The following MAB21L3 variants were observed in gnomAD, a reference collection of about 807,000 sequenced individuals.
MAB21L3 encodes protein mab-21-like 3.
Under a neutral mutation model 37.7 loss-of-function variants are expected in MAB21L3, and 36 were observed. The ratio of observed to expected loss-of-function variants is 0.96; its 90% CI spans 0.73 to 1.26. The LOEUF is 1.26. Among genes scored for constraint, MAB21L3 ranks in the 50% most tolerant of loss-of-function variants. The probability of loss-of-function intolerance (pLI) is 0.00; values close to 1 mark genes in which losing one functional copy is unlikely to be tolerated. For synonymous variants in MAB21L3, 186 were observed against 176.8 expected, an observed-to-expected ratio of 1.05 and a Z score of -0.41; for missense variants, 430 against 447.3, an observed-to-expected ratio of 0.96 and a Z score of 0.35.
At position 116,112,382 on chromosome 1, in the gene MAB21L3, T is replaced by G. The variant is rs909183683; in HGVS notation, c.-209-25T>G. On this transcript the variant is annotated intron_variant, in intron 2 of 7. Transcript: ENST00000369500. ...ATTTTATCAACTCTTCTTTTTAAAT[T>G]CTTTTTTTTTTAATTTCCCAAAAGA... is the stretch of plus-strand genomic sequence containing the variant. 14 of 430,362 alleles carry G rather than the reference T, an allele frequency of 3.3e-5. 1 individual carries two copies. Among genetic ancestry groups the G allele is most frequent in the African/African-American group, 2.6e-4 (13 of 50,410 alleles). 26.7% of individuals were successfully genotyped at this position (430,362 alleles called of 1,614,324 possible).
chr1:116,126,075 C>T (rs1659901194), intron 5 of MAB21L3, among the ~76,000 whole-genome samples: 1 of 152,206 alleles, frequency 6.6e-6, no homozygotes, highest in African/African-American at 2.4e-5. Flanking sequence ...CTTTATCCCA[C>T]CCTGGCCAGG....
rs1263853553 is a variant in MAB21L3 at position 116,136,331 on chromosome 1, A to G, written c.*2966A>G. Among the ~76,000 whole-genome samples the G allele has an allele frequency of 1.3e-5, 2 of 152,110 alleles. No individual in the cohort carries two copies. The highest frequency in any genetic ancestry group is 2.9e-5 in the Non-Finnish European group (2 of 68,012). ...AAATCACAAGCATTCTTATACACCA[A>G]TAACAGACAGAGAGCCAAATCATGA... On this transcript the variant is annotated 3_prime_UTR_variant, in exon 8 of 8. Coordinates refer to ENST00000369500, the MANE Select transcript of MAB21L3 (RefSeq NM_152367.3).
chr1:116,119,309 C>G (rs1212350031), intron 3 of MAB21L3, among the ~76,000 whole-genome samples: 1 of 152,154 alleles, frequency 6.6e-6, no homozygotes, highest in Non-Finnish European at 1.5e-5. Flanking sequence ...ATGAACTGAC[C>G]CTATATGTGA....
Position 116,127,581 on chromosome 1 carries a change from G to A in MAB21L3, c.597G>A (p.Lys199=). 2 of 1,614,188 alleles carry A rather than the reference G, an allele frequency of 1.2e-6. No individual in the cohort carries two copies. The highest frequency in any genetic ancestry group is 1.7e-6 in the Non-Finnish European group (2 of 1,180,030). ...PAVEIPTTWS[K]KARWPRCLQR... is the part of the protein sequence containing the mutation. ...TGGAGATCCCCACCACCTGGTCCAA[G>A]AAAGCCCGGTGGCCTCGATGTCTGC... Residue 199 remains lysine (K), a synonymous_variant, in exon 6 of 8, where the codon AAG becomes AAA. Coordinates refer to ENST00000369500, the MANE Select transcript of MAB21L3 (RefSeq NM_152367.3).
intron 3 of MAB21L3, among the ~76,000 whole-genome samples, chr1:116,119,070 A>T (rs772920768): frequency 3.9e-5 from 6 of 152,242 alleles, no homozygotes; most frequent in Non-Finnish European, 8.8e-5. Context: ...TTGAATCACA[A>T]CACAGATGGG....
chr1:116,114,819 G>C (rs1209138421), intron 3 of MAB21L3, among the ~76,000 whole-genome samples: 2 of 152,202 alleles, frequency 1.3e-5, no homozygotes, highest in Admixed American at 6.5e-5. Context: ...GATTGCTGGA[G>C]GAGCACGGTG....
At chr1:116,120,427 AC>A (rs1393462298) in intron 3 of MAB21L3, among the ~76,000 whole-genome samples, 1 of 124,466 alleles carries the variant, frequency 8.0e-6, no homozygotes. Context: ...ACACACACAC[AC>A]ACAAACACAC....
At position 116,136,547 on chromosome 1, in the gene MAB21L3, G is replaced by T. The variant is rs1417207077; in HGVS notation, c.*3182G>T. ...TCAATATCGTCAAAATGGCCAGACT[G>T]CCCAAGGTAATTTACAGATTCAATG... On this transcript the variant is annotated 3_prime_UTR_variant, in exon 8 of 8. Coordinates refer to ENST00000369500, the MANE Select transcript of MAB21L3 (RefSeq NM_152367.3). 6.6e-6 allele frequency among the ~76,000 whole-genome samples: 1 copy of T among 152,154 alleles called. No individual in the cohort carries two copies. The highest frequency in any genetic ancestry group is 1.5e-5 in the Non-Finnish European group (1 of 68,036).
At chr1:116,123,899 G>A (rs980080528) in intron 4 of MAB21L3, 167 bp from the exon 5 acceptor site, 22 of 617,336 alleles carry the variant, frequency 3.6e-5, no homozygotes, top group African/African-American at 3.5e-4. Context: ...AGAACAAAGA[G>A]GTAATCCACT....
intron 7 of MAB21L3, among the ~76,000 whole-genome samples, chr1:116,129,057 G>A (rs937442524): frequency 2.0e-5 from 3 of 152,266 alleles, no homozygotes; most frequent in African/African-American, 7.2e-5. Context: ...AGGCACAAAG[G>A]TGAACAGACA....
intron 7 of MAB21L3, among the ~76,000 whole-genome samples, chr1:116,130,446 C>A (rs1389651649): frequency 6.6e-6 from 1 of 152,232 alleles, no homozygotes; most frequent in African/African-American, 2.4e-5. Context: ...TCTGGTCTTC[C>A]ATCCTTAGTC....
At chr1:116,127,410 G>A (rs957350847) in intron 5 of MAB21L3, 56 bp from the exon 6 acceptor site, 9 of 1,541,678 alleles carry the variant, frequency 5.8e-6, no homozygotes, top group Middle Eastern at 1.7e-4. Context: ...TTGTTTGAAC[G>A]CTTGTAATGT....
At position 116,112,505 on chromosome 1, in the gene MAB21L3, C is replaced by A; in HGVS notation, c.-111C>A. On this transcript the variant is annotated 5_prime_UTR_variant, in exon 3 of 8. Coordinates refer to ENST00000369500, the MANE Select transcript of MAB21L3 (RefSeq NM_152367.3). ...TACACACTTCCAGAAAAACTTAGTA[C>A]CCAGAGACTCACATTACTGGGAGTG... 1 of 940,934 alleles carries A rather than the reference C, an allele frequency of 1.1e-6. No homozygotes were observed. Among genetic ancestry groups the A allele is most frequent in the Non-Finnish European group, 1.7e-6 (1 of 596,530 alleles). The allele number at this position is 940,934 out of a possible 1,614,324, so 58.3% of individuals were successfully genotyped here. A position where few individuals can be genotyped will look rare whatever the true frequency, so the allele number is the denominator to read the frequency against.
At chr1:116,117,043 C>A (rs1350198126) in intron 3 of MAB21L3, among the ~76,000 whole-genome samples, 2 of 151,694 alleles carry the variant, frequency 1.3e-5, no homozygotes, top group Non-Finnish European at 2.9e-5. Context: ...TATGTGCATA[C>A]ATACACACAT....
At chr1:116,126,977 G>A (rs1659925232) in intron 5 of MAB21L3, among the ~76,000 whole-genome samples, 1 of 152,152 alleles carries the variant, frequency 6.6e-6, no homozygotes, top group Non-Finnish European at 1.5e-5. Flanking sequence ...AGTGTTCTGA[G>A]CACTTTTAAG....
At chr1:116,124,870 T>TAC (rs148469511) in intron 5 of MAB21L3, among the ~76,000 whole-genome samples, 8,021 of 140,292 alleles carry the variant, frequency 0.057, 660 homozygotes, top group African/African-American at 0.22. Context: ...AGCATATGCA[T>TAC]ACACACACAC....
rs1278226087 is a variant in MAB21L3, at chr1:116,133,312, G to A, written c.1036G>A (p.Val346Met). ...QCTNPTELDT[V>M]AQKLATFLKN... is the part of the protein sequence containing the mutation. ...CACCAACCCGACTGAACTGGACACT[G>A]TGGCCCAAAAGCTGGCCACCTTCCT... is the stretch of plus-strand genomic sequence containing the variant. Residue 346 changes from valine (V) to methionine (M), a missense_variant, in exon 8 of 8, where the codon GTG (valine) becomes ATG (methionine). Physicochemically the swap from Val to Met is conservative, Grantham distance 21. Transcript: ENST00000369500. 5 of 1,614,210 alleles carry A rather than the reference G, an allele frequency of 3.1e-6. No individual in the cohort carries two copies. The highest frequency in any genetic ancestry group is 3.4e-6 in the Non-Finnish European group (4 of 1,180,034).
intron 7 of MAB21L3, among the ~76,000 whole-genome samples, chr1:116,131,454 A>T (rs879749424): frequency 6.6e-6 from 1 of 152,246 alleles, no homozygotes; most frequent in Non-Finnish European, 1.5e-5. Context: ...ACCACACCAC[A>T]TTAAGGATGA....
rs1260332763 is a variant in MAB21L3 at position 116,135,632 on chromosome 1, G to C, written c.*2267G>C. On this transcript the variant is annotated 3_prime_UTR_variant, in exon 8 of 8. Coordinates refer to ENST00000369500, the MANE Select transcript of MAB21L3 (RefSeq NM_152367.3). ...AATCCTCCCTAACTCATTTTATGAGGCCAGCATCATCCTGATACCAAAGCC... is the reference window on the plus strand; with the variant it reads ...AATCCTCCCTAACTCATTTTATGAGCCCAGCATCATCCTGATACCAAAGCC... Among the ~76,000 whole-genome samples the C allele has an allele frequency of 6.6e-6, 1 of 152,156 alleles. No individual in the cohort carries two copies. Among genetic ancestry groups the C allele is most frequent in the East Asian group, 1.9e-4 (1 of 5,194 alleles).
Sources: gnomAD v4.1 joint callset for allele counts (sites outside exome capture counted in the v4.1 genomes callset) on GRCh38, gnomAD v4.1.1 for gene constraint, MANE v1.5 for transcripts, NCBI Gene and HGNC (gene_info 2026-07-23, HGNC 2026-07-21) for gene names.